Variants in CCDC60 observed in about 807,000 individuals in gnomAD.
CCDC60 encodes coiled-coil domain containing 60, also known as coiled-coil domain-containing protein 60.
Under a neutral mutation model 63.5 loss-of-function variants are expected in CCDC60, and 54 were observed. The observed-to-expected ratio is 0.85, with a 90% CI of 0.68 to 1.07. The LOEUF is 1.07. Among genes scored for constraint, CCDC60 ranks in the 50% least tolerant of loss-of-function variants. CCDC60 has a pLI of 0.00. For synonymous variants in CCDC60, 206 were observed against 238.8 expected (o/e 0.86, Z 1.27); for missense variants, 651 against 684.3 (o/e 0.95, Z 0.54).
At chr12:119,387,896 C>A (rs1490597346) in intron 1 of CCDC60, 2 of 152,108 alleles carry the variant, frequency 1.3e-5, no homozygotes, top group Admixed American at 6.6e-5. Flanking sequence ...TTGTACATTG[C>A]CTATTTGGAC....
At position 119,490,253 on chromosome 12, in the gene CCDC60, C is replaced by T. The variant is rs547917666; in HGVS notation, c.557+1387C>T. Among the ~76,000 whole-genome samples, 4 of 152,332 alleles carry T rather than the reference C, an allele frequency of 2.6e-5. No homozygotes were observed. The South Asian group carries it at 8.3e-4, about 32-fold the overall frequency. On this transcript the variant is annotated intron_variant, in intron 5 of 13. Coordinates refer to ENST00000327554, the MANE Select transcript of CCDC60 (RefSeq NM_178499.5). Reference sequence around the variant, plus strand: ...TGCATCCATTGATAGATCAGTAACTCCAATCAATTCAGTGTTTTTGGTTGG... The same window carrying T: ...TGCATCCATTGATAGATCAGTAACTTCAATCAATTCAGTGTTTTTGGTTGG...
intron 2 of CCDC60, among the ~76,000 whole-genome samples, chr12:119,465,268 C>A (rs377545371): frequency 5.3e-5 from 8 of 151,914 alleles, no homozygotes; most frequent in African/African-American, 1.9e-4. Context: ...GAGCCGAGAT[C>A]GCACCACTGC....
Position 119,488,378 on chromosome 12 carries a change from C to T in CCDC60, c.450-381C>T, listed in dbSNP as rs117563197. Among the ~76,000 whole-genome samples the T allele has an allele frequency of 6.8e-3, 1,030 of 152,244 alleles. 22 individuals are homozygous for T. Among genetic ancestry groups the T allele is most frequent in the South Asian group, 0.063 (305 of 4,816 alleles). On this transcript the variant is annotated intron_variant, in intron 4 of 13. Transcript: ENST00000327554. ...CATAGGATGCTGATTTCCTTGAAGC[C>T]TCTCATTTGCCTGAGTCAAGACTTC...
chr12:119,505,371 C>A, intron 7 of CCDC60, 68 bp downstream of exon 7: 1 of 1,047,396 alleles, frequency 9.5e-7, no homozygotes, highest in Non-Finnish European at 1.4e-6. Context: ...ATCAAGAAAC[C>A]CTCCTGCCTC....
At chr12:119,449,579 C>T (rs1360265288) in intron 2 of CCDC60, among the ~76,000 whole-genome samples, 1 of 152,134 alleles carries the variant, frequency 6.6e-6, no homozygotes, top group East Asian at 1.9e-4. Context: ...GCATTAAATT[C>T]AAGAATTTCA....
intron 8 of CCDC60, among the ~76,000 whole-genome samples, chr12:119,519,438 C>CGT (rs1442325631): frequency 6.4e-4 from 53 of 83,430 alleles, no homozygotes; most frequent in Middle Eastern, 7.5e-3. Context: ...TGTGTGTGCG[C>CGT]GTGTGTGTGT....
intron 1 of CCDC60, among the ~76,000 whole-genome samples, chr12:119,393,043 G>A (rs1956188511): frequency 6.6e-6 from 1 of 152,132 alleles, no homozygotes; most frequent in Non-Finnish European, 1.5e-5. Flanking sequence ...ACACGCCTAT[G>A]GTCCCAGTTA....
chr12:119,451,194 T>C (rs908149905), intron 2 of CCDC60, among the ~76,000 whole-genome samples: 2 of 152,182 alleles, frequency 1.3e-5, no homozygotes, highest in Admixed American at 6.5e-5. Context: ...TTCCACAAGA[T>C]GTACATCTGC....
intron 1 of CCDC60, among the ~76,000 whole-genome samples, chr12:119,367,794 C>A (rs1482971438): frequency 9.2e-5 from 14 of 152,032 alleles, no homozygotes; most frequent in African/African-American, 3.4e-4. Context: ...ATGACATGAT[C>A]CATTTTTATG....
At chr12:119,434,805 CAA>C (rs1462210824) in intron 2 of CCDC60, among the ~76,000 whole-genome samples, 1 of 149,868 alleles carries the variant, frequency 6.7e-6, no homozygotes, top group Non-Finnish European at 1.5e-5. Flanking sequence ...ATAAGAGAGA[CAA>C]GAGATAAAAT....
intron 1 of CCDC60, among the ~76,000 whole-genome samples, chr12:119,376,021 C>A (rs988100418): frequency 3.3e-5 from 5 of 152,188 alleles, no homozygotes; most frequent in African/African-American, 1.2e-4. Flanking sequence ...ACAGAAAGGT[C>A]ACATTATACC....
At chr12:119,434,167 C>A (rs1182819807) in intron 2 of CCDC60, among the ~76,000 whole-genome samples, 1 of 152,176 alleles carries the variant, frequency 6.6e-6, no homozygotes, top group Non-Finnish European at 1.5e-5. Flanking sequence ...CCAGGTGATG[C>A]ACGTGTTTAA....
intron 6 of CCDC60, among the ~76,000 whole-genome samples, chr12:119,501,131 C>T (rs566884859): frequency 6.6e-6 from 1 of 152,158 alleles, no homozygotes; most frequent in East Asian, 1.9e-4. Flanking sequence ...GGATATAATG[C>T]CCTTTCCTGC....
intron 6 of CCDC60, among the ~76,000 whole-genome samples, chr12:119,503,599 A>ACAGGGAGAGATCAT (rs1198879129): frequency 2.0e-5 from 3 of 152,214 alleles, no homozygotes; most frequent in African/African-American, 7.2e-5. Flanking sequence ...TGAGGCAGGC[A>ACAGGGAGAGATCAT]CAGGGAGAGA....
chr12:119,359,647 G>A (rs1361697052), intron 1 of CCDC60, among the ~76,000 whole-genome samples: 5 of 151,620 alleles, frequency 3.3e-5, no homozygotes, highest in African/African-American at 1.2e-4. Context: ...AGTGAACAAA[G>A]GTCTCTGGTT....
Position 119,456,053 on chromosome 12 carries a change from AAG to A in CCDC60, c.171-15939_171-15938del, listed in dbSNP as rs1950740838. Among the ~76,000 whole-genome samples the A allele has an allele frequency of 1.5e-5, 2 of 136,530 alleles. No homozygotes were observed. The highest frequency in any genetic ancestry group is 5.5e-5 in the African/African-American group (2 of 36,534). 89.6% of individuals were successfully genotyped at this position (136,530 alleles called of 152,430 possible). A position where few individuals can be genotyped will look rare whatever the true frequency, so the allele number is the denominator to read the frequency against. On this transcript the variant is annotated intron_variant, in intron 2 of 13. Transcript: ENST00000327554. This position sits in a 1 kb window ranked among gnomAD's most constrained non-coding sequence, Gnocchi z 4.6. Reference sequence around the variant, plus strand: ...AAAGAAAGAAAGAAAGAAAGAAAGAAAGAAAGAAAGCAAGCAAGCATGTGCAA... The same window carrying A: ...AAAGAAAGAAAGAAAGAAAGAAAGAAAAAGAAAGCAAGCAAGCATGTGCAA...
intron 1 of CCDC60, among the ~76,000 whole-genome samples, chr12:119,397,195 C>T (rs537256930): frequency 8.7e-4 from 133 of 152,246 alleles, no homozygotes; most frequent in African/African-American, 3.1e-3. Flanking sequence ...GTGTTGCAAA[C>T]CCAAAGAGTG....
chr12:119,410,086 C>T lies in CCDC60; in HGVS notation c.91-18597C>T, dbSNP rs140838201. Among the ~76,000 whole-genome samples, 24 of 152,248 alleles carry T rather than the reference C, an allele frequency of 1.6e-4. No individual in the cohort carries two copies. Among genetic ancestry groups the T allele is most frequent in the African/African-American group, 4.6e-4 (19 of 41,542 alleles). On this transcript the variant is annotated intron_variant, in intron 1 of 13. Transcript: ENST00000327554. The surrounding 1 kb of genome is among the most constrained non-coding windows in gnomAD (Gnocchi z 4.0). ...AGTCCCACGATACTCAATACCCTGACGCTCTCCAAGATACATTGTTATGTC... is the reference window on the plus strand; with the variant it reads ...AGTCCCACGATACTCAATACCCTGATGCTCTCCAAGATACATTGTTATGTC...
At chr12:119,521,332 C>T (rs568572103) in intron 9 of CCDC60, among the ~76,000 whole-genome samples, 1 of 152,238 alleles carries the variant, frequency 6.6e-6, no homozygotes, top group South Asian at 2.1e-4. Context: ...TTGAATTCTA[C>T]CCATGCTCAA....
Sources: gnomAD v4.1 joint callset for allele counts (sites outside exome capture counted in the v4.1 genomes callset) on GRCh38, gnomAD v4.1.1 for gene constraint, Gnocchi (gnomAD v3.1) non-coding constraint, MANE v1.5 for transcripts, NCBI Gene and HGNC (gene_info 2026-07-23, HGNC 2026-07-21) for gene names.